MCTP1: variants seen among roughly 807,000 people sequenced by gnomAD.
MCTP1 encodes the protein multiple C2 and transmembrane domain containing 1.
A neutral mutation model predicts 120.6 loss-of-function variants in MCTP1; 69 were observed. The ratio of observed to expected loss-of-function variants is 0.57; its 90% CI spans 0.47 to 0.70. The LOEUF is 0.70. MCTP1 is among the 30% of genes least tolerant of loss of function. MCTP1 has a pLI of 0.00. For synonymous variants in MCTP1, 529 were observed against 493.1 expected (o/e 1.07, Z -0.96); for missense variants, 1,203 against 1,248.8 (o/e 0.96, Z 0.55).
chr5:95,215,210 T>G (rs1423205973), intron 1 of MCTP1, among the ~76,000 whole-genome samples: 1 of 152,154 alleles, frequency 6.6e-6, no homozygotes, highest in Non-Finnish European at 1.5e-5. Flanking sequence ...CAAAACCCAT[T>G]TTCAAGTCTC....
At chr5:95,038,519 AGTGTGGGCTGT>A (rs1841762840) in intron 1 of MCTP1, among the ~76,000 whole-genome samples, 1 of 152,162 alleles carries the variant, frequency 6.6e-6, no homozygotes, top group East Asian at 1.9e-4. Context: ...CCCATCCTCA[AGTGTGGGCTGT>A]GTGTAATGAT....
intron 1 of MCTP1, among the ~76,000 whole-genome samples, chr5:95,218,068 T>C (rs1343089979): frequency 1.3e-5 from 2 of 152,200 alleles, no homozygotes; most frequent in East Asian, 3.9e-4. Context: ...TCCAGGCACA[T>C]TCCAAGGCTT....
At chr5:94,828,650 G>A (rs995071676) in intron 17 of MCTP1, among the ~76,000 whole-genome samples, 1 of 152,212 alleles carries the variant, frequency 6.6e-6, no homozygotes, top group Non-Finnish European at 1.5e-5. Flanking sequence ...AAGATGCCCT[G>A]CCCAGAGAGG....
intron 19 of MCTP1, among the ~76,000 whole-genome samples, chr5:94,746,932 T>A (rs1427003754): frequency 6.6e-6 from 1 of 152,196 alleles, no homozygotes; most frequent in African/African-American, 2.4e-5. Flanking sequence ...TCTTGGGAAT[T>A]CCACTTCCCC....
At chr5:95,090,107 G>A (rs1302058753) in intron 1 of MCTP1, among the ~76,000 whole-genome samples, 1 of 152,070 alleles carries the variant, frequency 6.6e-6, no homozygotes, top group East Asian at 1.9e-4. Flanking sequence ...AAATGTCTGA[G>A]GCAATATTGC....
At chr5:95,234,192 A>T (rs1472204756) in intron 1 of MCTP1, among the ~76,000 whole-genome samples, 1 of 152,356 alleles carries the variant, frequency 6.6e-6, no homozygotes, top group South Asian at 2.1e-4. Context: ...ACGAGAGACC[A>T]TCCAGAAAGA....
intron 19 of MCTP1, among the ~76,000 whole-genome samples, chr5:94,746,242 C>A (rs13188252): frequency 0.24 from 36,968 of 151,948 alleles, 4,786 homozygotes; most frequent in African/African-American, 0.33. Flanking sequence ...AGACAATATC[C>A]GCCACACTTG....
At chr5:94,981,107 G>A (rs1829306608) in intron 2 of MCTP1, among the ~76,000 whole-genome samples, 1 of 152,178 alleles carries the variant, frequency 6.6e-6, no homozygotes, top group Admixed American at 6.5e-5. Flanking sequence ...CACTGATAGA[G>A]ACAAAGACGG....
chr5:95,151,973 A>G (rs1760933234), intron 1 of MCTP1, among the ~76,000 whole-genome samples: 1 of 152,230 alleles, frequency 6.6e-6, no homozygotes, highest in South Asian at 2.1e-4. Context: ...TGAAAGCTTT[A>G]CTGATGAATA....
chr5:95,147,339 G>T (rs1307545259), intron 1 of MCTP1, among the ~76,000 whole-genome samples: 1 of 152,162 alleles, frequency 6.6e-6, no homozygotes, highest in East Asian at 1.9e-4. Context: ...ACCTGCCTCG[G>T]TCTCCCAAAG....
Position 94,873,204 on chromosome 5 carries a change from G to A in MCTP1, c.1971C>T (p.Asn657=), listed in dbSNP as rs150274503. ...SDPFCVVELN[N]DRLLTHTVYK... ...AGACAGTATGTGTTAGCAGTCTATC[G>A]TTGTTCAGTTCTACCACACAAAATG... Residue 657 remains asparagine, a synonymous_variant, in exon 13 of 23, where the codon AAC becomes AAT. Transcript: ENST00000515393. 2.2e-5 allele frequency: 35 copies of A among 1,610,660 alleles called. No individual in the cohort carries two copies. Among genetic ancestry groups the A allele is most frequent in the African/African-American group, 2.1e-4 (16 of 74,862 alleles).
At chr5:94,707,648 G>T (rs7735924) in intron 22 of MCTP1, 81 bp from the exon 23 acceptor site, 559,719 of 995,440 alleles carry the variant, frequency 0.56, 160,079 homozygotes, top group African/African-American at 0.75. Flanking sequence ...AATGAGAGAC[G>T]GTGCTTGGGG....
At chr5:95,253,785 C>A (rs1342060533) in intron 1 of MCTP1, among the ~76,000 whole-genome samples, 2 of 151,904 alleles carry the variant, frequency 1.3e-5, no homozygotes, top group Non-Finnish European at 2.9e-5. Flanking sequence ...GTGGTGGGAA[C>A]GAGTGTGGGA....
intron 1 of MCTP1, among the ~76,000 whole-genome samples, chr5:95,223,837 T>C (rs1753956656): frequency 6.6e-6 from 1 of 152,224 alleles, no homozygotes; most frequent in Non-Finnish European, 1.5e-5. Context: ...AAAAGTTACT[T>C]CTGAAGTCTT....
At chr5:95,086,099 T>G (rs72779429) in intron 1 of MCTP1, among the ~76,000 whole-genome samples, 4,099 of 152,224 alleles carry the variant, frequency 0.027, 112 homozygotes, top group East Asian at 0.046. Context: ...TTACCTGTAA[T>G]TGAGTCAAAA....
intron 1 of MCTP1, among the ~76,000 whole-genome samples, chr5:95,030,257 G>A (rs1300124829): frequency 2.0e-5 from 3 of 152,180 alleles, no homozygotes; most frequent in Non-Finnish European, 4.4e-5. Context: ...CAAGACTTCA[G>A]TGTACCACAA....
At chr5:94,935,627 G>A (rs938030433) in intron 5 of MCTP1, among the ~76,000 whole-genome samples, 1 of 151,914 alleles carries the variant, frequency 6.6e-6, no homozygotes, top group African/African-American at 2.4e-5. Context: ...TATCAACACA[G>A]GCATAAGAAT....
intron 18 of MCTP1, among the ~76,000 whole-genome samples, chr5:94,780,514 G>A (rs1411127538): frequency 6.6e-6 from 1 of 151,990 alleles, no homozygotes; most frequent in Non-Finnish European, 1.5e-5. Flanking sequence ...TTAATTTAAT[G>A]TCATGCTTTA....
chr5:94,867,275 C>T (rs555148139), intron 17 of MCTP1: 84 of 1,526,472 alleles, frequency 5.5e-5, no homozygotes, highest in Non-Finnish European at 6.6e-5. Context: ...GACAACAACA[C>T]GTCTATGGGA....
Sources: allele counts gnomAD v4.1 joint callset (sites outside exome capture counted in the v4.1 genomes callset), GRCh38; gene constraint gnomAD v4.1.1; transcripts MANE v1.5; gene names NCBI Gene and HGNC (gene_info 2026-07-23, HGNC 2026-07-21).